The following DENND1A variants were observed in gnomAD, a reference collection of about 807,000 sequenced individuals.
The protein encoded by DENND1A is DENN domain-containing protein 1A.
In DENND1A, 51 loss-of-function variants were observed where a neutral mutation model predicts 113.7. That is an observed-to-expected ratio of 0.45 (90% CI 0.36 to 0.57). The LOEUF (loss-of-function observed/expected upper bound fraction) is 0.57, where lower values mean the gene tolerates loss of function less well. DENND1A is among the 20% of genes least tolerant of loss of function. The pLI is 0.00. For missense variants in DENND1A, 1,258 were observed against 1,395.9 expected (o/e 0.90, Z 1.57); for synonymous variants, 565 against 570.8 (o/e 0.99, Z 0.14).
intron 10 of DENND1A, among the ~76,000 whole-genome samples, chr9:123,627,877 G>C (rs1172593180): frequency 6.6e-6 from 1 of 152,150 alleles, no homozygotes; most frequent in East Asian, 1.9e-4. Context: ...AATGACACAG[G>C]TGTCACCCTG....
intron 11 of DENND1A, among the ~76,000 whole-genome samples, chr9:123,598,774 T>A (rs1338363360): frequency 6.6e-6 from 1 of 152,172 alleles, no homozygotes; most frequent in Non-Finnish European, 1.5e-5. Context: ...TTTAACCCAT[T>A]CGGTCAGTAC....
intron 18 of DENND1A, among the ~76,000 whole-genome samples, chr9:123,442,327 C>G (rs183990336): frequency 1.3e-5 from 2 of 152,262 alleles, no homozygotes. Flanking sequence ...CTCAGCCAGG[C>G]TGAGGCTCAG....
chr9:123,808,713 C>T (rs538615732), intron 2 of DENND1A, among the ~76,000 whole-genome samples: 28 of 152,202 alleles, frequency 1.8e-4, no homozygotes, highest in African/African-American at 6.5e-4. Flanking sequence ...GTTATACAGA[C>T]TTGATAAAAA....
chr9:123,416,888 C>T (rs1279991131), intron 19 of DENND1A, among the ~76,000 whole-genome samples: 1 of 152,206 alleles, frequency 6.6e-6, no homozygotes, highest in Admixed American at 6.5e-5. Context: ...AGTCCTTGTC[C>T]TTGAGGACTG....
At chr9:123,663,881 TCAAA>T (rs960533968) in intron 8 of DENND1A, among the ~76,000 whole-genome samples, 9 of 151,868 alleles carry the variant, frequency 5.9e-5, no homozygotes, top group East Asian at 3.9e-4. Flanking sequence ...TACTTCTGTC[TCAAA>T]CAAAGTATTA....
chr9:123,549,710 A>G (rs2056925351), intron 13 of DENND1A, among the ~76,000 whole-genome samples: 1 of 152,218 alleles, frequency 6.6e-6, no homozygotes, highest in Non-Finnish European at 1.5e-5. Context: ...ACTTGATGGA[A>G]TATTCTGCAG....
intron 20 of DENND1A, among the ~76,000 whole-genome samples, chr9:123,407,527 G>A (rs1053483903): frequency 6.6e-6 from 1 of 152,088 alleles, no homozygotes; most frequent in African/African-American, 2.4e-5. Flanking sequence ...GTTTAATGAA[G>A]CCCGAATCAC....
chr9:123,392,612 C>T (rs2042917059), intron 21 of DENND1A, among the ~76,000 whole-genome samples: 1 of 152,194 alleles, frequency 6.6e-6, no homozygotes, highest in South Asian at 2.1e-4. Flanking sequence ...CCTTCCTAGT[C>T]AGGCTACCTT....
intron 13 of DENND1A, among the ~76,000 whole-genome samples, chr9:123,517,548 G>A (rs184920431): frequency 2.0e-5 from 3 of 150,706 alleles, no homozygotes; most frequent in South Asian, 2.1e-4. Flanking sequence ...GAACCCAGGA[G>A]GGGGAGGTTG....
At chr9:123,915,923 C>A (rs1427792619) in intron 1 of DENND1A, among the ~76,000 whole-genome samples, 1 of 152,144 alleles carries the variant, frequency 6.6e-6, no homozygotes, top group African/African-American at 2.4e-5. Context: ...TGACAACAAG[C>A]ATTCTCGTGT....
Position 123,408,253 on chromosome 9 carries a change from C to T in DENND1A, c.1542+3523G>A, listed in dbSNP as rs148771559. 9.9e-4 allele frequency among the ~76,000 whole-genome samples: 150 copies of T among 152,242 alleles called. 2 individuals are homozygous for T. Among genetic ancestry groups the T allele is most frequent in the African/African-American group, 2.3e-3 (94 of 41,558 alleles). On this transcript the variant is annotated intron_variant, in intron 20 of 23. Coordinates refer to ENST00000394215, the MANE Select transcript of DENND1A (RefSeq NM_001352964.2). The stretch of plus-strand genomic sequence containing the variant: ...CGAGGCCCTTGTGGGTTCCATATGC[C>T]GAGTCTCCCCGGTTCCCACCTAGTC...
intron 2 of DENND1A, among the ~76,000 whole-genome samples, chr9:123,821,115 C>T (rs1004631885): frequency 3.9e-5 from 6 of 152,194 alleles, no homozygotes; most frequent in African/African-American, 1.4e-4. Flanking sequence ...TCAAATTCTT[C>T]CATGAATATT....
chr9:123,413,981 G>C (rs2131591582), intron 19 of DENND1A: 1 of 989,198 alleles, frequency 1.0e-6, no homozygotes, highest in South Asian at 4.6e-5. Context: ...CTTATGCTTG[G>C]CCTTTCTACT....
chr9:123,649,262 C>T (rs1479325727), intron 9 of DENND1A, among the ~76,000 whole-genome samples: 4 of 152,114 alleles, frequency 2.6e-5, no homozygotes, highest in Non-Finnish European at 5.9e-5. Context: ...TATTGAGGAC[C>T]ATAAAAGTTT....
intron 9 of DENND1A, among the ~76,000 whole-genome samples, chr9:123,650,907 A>AAAT (rs2062613836): frequency 1.1e-5 from 1 of 92,260 alleles, no homozygotes; most frequent in Non-Finnish European, 1.9e-5. Flanking sequence ...ACTCTGTCTC[A>AAAT]AAAAAAAAAA....
At chr9:123,487,065 T>C (rs1420887640) in intron 13 of DENND1A, among the ~76,000 whole-genome samples, 6 of 152,144 alleles carry the variant, frequency 3.9e-5, no homozygotes, top group African/African-American at 1.4e-4. Flanking sequence ...AGAAGGACCA[T>C]AGAGGCCCCC....
chr9:123,886,511 C>T (rs557913372), intron 1 of DENND1A, among the ~76,000 whole-genome samples: 8 of 152,098 alleles, frequency 5.3e-5, no homozygotes, highest in East Asian at 3.9e-4. Flanking sequence ...TGAGGTGTAC[C>T]GTTTAAAAAT....
At chr9:123,671,473 T>G (rs1176312661) in intron 6 of DENND1A, 102 bp from the exon 7 acceptor site, 5 of 1,073,016 alleles carry the variant, frequency 4.7e-6, no homozygotes, top group Non-Finnish European at 6.9e-6. Flanking sequence ...GCTGGGGAGA[T>G]GCTGGCCCCA....
intron 1 of DENND1A, among the ~76,000 whole-genome samples, chr9:123,885,591 G>C (rs1045769182): frequency 1.3e-5 from 2 of 152,218 alleles, no homozygotes; most frequent in South Asian, 4.1e-4. Context: ...AACAGCCTCA[G>C]CTCTTAAACA....
Sources: allele counts gnomAD v4.1 joint callset (sites outside exome capture counted in the v4.1 genomes callset), GRCh38; gene constraint gnomAD v4.1.1; transcripts MANE v1.5; gene names NCBI Gene and HGNC (gene_info 2026-07-23, HGNC 2026-07-21).